The following CHRD variants were observed in gnomAD, a reference collection of about 807,000 sequenced individuals.
The protein encoded by CHRD is chordin.
In CHRD, 69 loss-of-function variants were observed where a neutral mutation model predicts 113.7. That is an observed-to-expected ratio of 0.61 (90% CI 0.50 to 0.74). The LOEUF is 0.74. CHRD is among the 30% of genes least tolerant of loss of function. The pLI, the probability that CHRD is intolerant of heterozygous loss-of-function variation, is 0.00. For missense variants in CHRD, 1,194 were observed against 1,295.8 expected (o/e 0.92, Z 1.21); for synonymous variants, 561 against 540.8 (o/e 1.04, Z -0.52).
rs753868589 is a variant in CHRD, at chr3:184,384,646, G to A, written c.1550G>A (p.Gly517Glu). 4 of 1,604,486 alleles carry A rather than the reference G, an allele frequency of 2.5e-6. No homozygotes were observed. The highest frequency in any genetic ancestry group is 3.4e-6 in the Non-Finnish European group (4 of 1,175,294). The change falls in exon 13 of 23, where the codon GGG becomes GAG. Residue 517 changes from glycine (G) to glutamate (E), a missense_variant. Transcript: ENST00000204604. The surrounding 1 kb of genome is among the most constrained non-coding windows in gnomAD (Gnocchi z 4.4). ...GACTTCCCAGACGGAGAGCTTCGGG[G>A]GCACGTGGCTGCCCTGCCCTACTGT...
At position 184,387,669 on chromosome 3, in the gene CHRD, C is replaced by G. The variant is rs1716545154; in HGVS notation, c.2451+192C>G. ...AACAGGGCTGACCTGGGTGTGGATT[C>G]TGGCTCTGCCAGCTAACTAGTGCCA... On this transcript the variant is annotated intron_variant, in intron 19 of 22. Transcript: ENST00000204604. This position sits in a 1 kb window ranked among gnomAD's most constrained non-coding sequence, Gnocchi z 6.1. 6.6e-6 allele frequency among the ~76,000 whole-genome samples: 1 copy of G among 152,328 alleles called. No individual in the cohort carries two copies. The highest frequency in any genetic ancestry group is 1.9e-4 in the East Asian group (1 of 5,188).
At chr3:184,385,574 G>A (rs1237026127) in intron 14 of CHRD, among the ~76,000 whole-genome samples, 2 of 149,290 alleles carry the variant, frequency 1.3e-5, no homozygotes, top group African/African-American at 4.9e-5. Context: ...GCTGAGGCAG[G>A]AGAATCGCTT....
Position 184,381,179 on chromosome 3 carries a change from G to C in CHRD, c.253-56G>C. The C allele has an allele frequency of 6.2e-7, 1 of 1,604,238 alleles. No individual in the cohort carries two copies. The highest frequency in any genetic ancestry group is 8.5e-7 in the Non-Finnish European group (1 of 1,173,930). On this transcript the variant is annotated intron_variant, in intron 2 of 22. Transcript: ENST00000204604. The surrounding 1 kb of genome is among the most constrained non-coding windows in gnomAD (Gnocchi z 4.7). ...CTGCGGGACATCCTTGCCTGGGGGGGTCTCATCAGTTGGCATCTTGCACTC... is the reference window on the plus strand; with the variant it reads ...CTGCGGGACATCCTTGCCTGGGGGGCTCTCATCAGTTGGCATCTTGCACTC...
intron 22 of CHRD, 42 bp downstream of exon 22, chr3:184,389,037 C>A: frequency 2.9e-6 from 4 of 1,377,380 alleles, no homozygotes; most frequent in Non-Finnish European, 3.1e-6. Context: ...GAGTGGAGGG[C>A]TCACCTGCCT....
Position 184,381,386 on chromosome 3 carries a change from G to A in CHRD, c.382+22G>A, listed in dbSNP as rs754295476. ...CAGGGTAAGTCTTGCTCCGCCCTGC[G>A]GGGAGGGAGGCAGGGCCACGATACT... is the stretch of plus-strand genomic sequence containing the variant. On this transcript the variant is annotated intron_variant, in intron 3 of 22. Transcript: ENST00000204604. This position sits in a 1 kb window ranked among gnomAD's most constrained non-coding sequence, Gnocchi z 4.7. 1 of 1,589,530 alleles carries A rather than the reference G, an allele frequency of 6.3e-7. No individual in the cohort carries two copies. The highest frequency in any genetic ancestry group is 1.8e-5 in the Admixed American group (1 of 56,182).
intron 6 of CHRD, 38 bp from the exon 7 acceptor site, chr3:184,382,351 G>A (rs1402160008): frequency 1.2e-6 from 2 of 1,613,836 alleles, no homozygotes; most frequent in Non-Finnish European, 1.7e-6. Flanking sequence ...AGCCTGCACA[G>A]TGTCTGAGCG....
At position 184,388,777 on chromosome 3, in the gene CHRD, C is replaced by T. The variant is rs953524722; in HGVS notation, c.2709+36C>T. The T allele has an allele frequency of 6.2e-6, 10 of 1,610,998 alleles. No individual in the cohort carries two copies. The highest frequency in any genetic ancestry group is 6.8e-6 in the Non-Finnish European group (8 of 1,178,092). ...AGCAGAGGCTTGTGTGAGGTGGGTA[C>T]TGGGAGCCTGGTCTGGAGTAGGGAG... On this transcript the variant is annotated intron_variant, in intron 21 of 22. Coordinates refer to ENST00000204604, the Ensembl canonical transcript of CHRD. The surrounding 1 kb of genome is among the most constrained non-coding windows in gnomAD (Gnocchi z 6.1).
At chr3:184,389,074 C>A in intron 22 of CHRD, 79 bp downstream of exon 22, 1 of 1,028,786 alleles carries the variant, frequency 9.7e-7, no homozygotes, top group Non-Finnish European at 1.5e-6. Flanking sequence ...GGGAAGGGAG[C>A]ACTCACTGTG....
chr3:184,385,225 T>G, exon 14 of CHRD: 1 of 1,613,382 alleles, frequency 6.2e-7, no homozygotes, highest in South Asian at 1.1e-5. Context: ...CTGAAGGGAT[T>G]CTATGGCTCA....
rs182175680 is a variant in CHRD at position 184,387,164 on chromosome 3, C to T, written c.2347+57C>T. ...GCCCCAGAGGAGCCATTAGGTTGAA[C>T]CAGGAGGGGGACAAGAAGGGGAGAG... On this transcript the variant is annotated intron_variant, in intron 18 of 22. Coordinates refer to ENST00000204604, the Ensembl canonical transcript of CHRD. This position sits in a 1 kb window ranked among gnomAD's most constrained non-coding sequence, Gnocchi z 6.1. The T allele has an allele frequency of 6.6e-7, 1 of 1,524,484 alleles. No individual in the cohort carries two copies. The highest frequency in any genetic ancestry group is 1.1e-5 in the South Asian group (1 of 89,152). 94.4% of individuals were successfully genotyped at this position (1,524,484 alleles called of 1,614,324 possible).
exon 16 of CHRD, chr3:184,386,677 C>G (rs1239943558): frequency 1.2e-6 from 2 of 1,612,486 alleles, no homozygotes; most frequent in Admixed American, 3.3e-5. Flanking sequence ...ACACATGCTT[C>G]TTCGAGGGGC....
At chr3:184,383,084 G>A in exon 10 of CHRD, 1 of 1,611,152 alleles carries the variant, frequency 6.2e-7, no homozygotes, top group South Asian at 1.1e-5. Flanking sequence ...TGCTGGGGGA[G>A]CTGCAGATGG....
Position 184,387,468 on chromosome 3 carries a change from C to T in CHRD, c.2442C>T (p.Cys814=), listed in dbSNP as rs770173106. The T allele has an allele frequency of 1.5e-5, 24 of 1,607,952 alleles. No individual in the cohort carries two copies. The highest frequency in any genetic ancestry group is 5.6e-5 in the South Asian group (5 of 89,996). Residue 814 remains cysteine, a synonymous_variant, in exon 19 of 23, where the codon TGC becomes TGT. Coordinates refer to ENST00000204604, the Ensembl canonical transcript of CHRD. This position sits in a 1 kb window ranked among gnomAD's most constrained non-coding sequence, Gnocchi z 6.1. ...TTGGCTTAATTAAGTGTGCTGTCTGCACCTGCAAGGTATGGCCACCCAATC... is the reference window on the plus strand; with the variant it reads ...TTGGCTTAATTAAGTGTGCTGTCTGTACCTGCAAGGTATGGCCACCCAATC...
exon 9 of CHRD, chr3:184,382,861 A>G (rs1715669139): frequency 1.9e-6 from 3 of 1,613,030 alleles, no homozygotes. Context: ...TGCAGGACTA[A>G]CCCAGGTTCC....
intron 6 of CHRD, 83 bp downstream of exon 6, chr3:184,382,103 AC>A: frequency 6.5e-7 from 1 of 1,549,766 alleles, no homozygotes; most frequent in South Asian, 1.1e-5. Context: ...CGTGGTCCTC[AC>A]CACAGCCCAG....
At position 184,380,996 on chromosome 3, in the gene CHRD, C is replaced by A. The variant is rs1715270141; in HGVS notation, c.252+201C>A. On this transcript the variant is annotated intron_variant, in intron 2 of 22. Coordinates refer to ENST00000204604, the Ensembl canonical transcript of CHRD. This position sits in a 1 kb window ranked among gnomAD's most constrained non-coding sequence, Gnocchi z 6.3. ...GCCCACTCTGTGTGAGGCTCTGTGC[C>A]AACTCCGTTTCGTTCCCTGCTCATC... The A allele has an allele frequency of 2.7e-6, 2 of 734,960 alleles. No homozygotes were observed. The highest frequency in any genetic ancestry group is 3.0e-5 in the South Asian group (2 of 67,426). The allele number at this position is 734,960 out of a possible 1,614,324, so 45.5% of individuals were successfully genotyped here. A position where few individuals can be genotyped will look rare whatever the true frequency, so the allele number is the denominator to read the frequency against.
intron 12 of CHRD, 133 bp downstream of exon 12, chr3:184,383,775 CTTT>C (rs58835715): frequency 8.8e-3 from 3,697 of 421,392 alleles, no homozygotes; most frequent in East Asian, 0.014. Context: ...ATTCATTTGA[CTTT>C]TTTTTTTTTT....
chr3:184,388,343 GCATC>G lies in CHRD; in HGVS notation c.2555-234_2555-231del, dbSNP rs1716681331. 7.0e-6 allele frequency among the ~76,000 whole-genome samples: 1 copy of G among 142,822 alleles called. No homozygotes were observed. Among genetic ancestry groups the G allele is most frequent in the African/African-American group, 2.7e-5 (1 of 37,470 alleles). 93.7% of individuals were successfully genotyped at this position (142,822 alleles called of 152,430 possible). On this transcript the variant is annotated intron_variant, in intron 20 of 22. Transcript: ENST00000204604. This position sits in a 1 kb window ranked among gnomAD's most constrained non-coding sequence, Gnocchi z 6.1. ...TCCACCCATTGATGCATCCATCCAT[GCATC>G]CATCCATCCCTCCATCCATCCACCC...
Position 184,381,217 on chromosome 3 carries a change from C to T in CHRD, c.253-18C>T, listed in dbSNP as rs1715329178. ...GCATCTTGCACTCACTTGGGTTTCC[C>T]GCCTTTTCCGGGAGCAGCCTCAGTG... is the stretch of plus-strand genomic sequence containing the variant. On this transcript the variant is annotated intron_variant, in intron 2 of 22. Transcript: ENST00000204604. The surrounding 1 kb of genome is among the most constrained non-coding windows in gnomAD (Gnocchi z 4.7). 6.2e-7 allele frequency: 1 copy of T among 1,612,914 alleles called. No homozygotes were observed. The highest frequency in any genetic ancestry group is 1.7e-5 in the Admixed American group (1 of 60,020).
Sources: allele counts gnomAD v4.1 joint callset (sites outside exome capture counted in the v4.1 genomes callset), GRCh38; gene constraint gnomAD v4.1.1; non-coding constraint Gnocchi (gnomAD v3.1); transcripts MANE v1.5; gene names NCBI Gene and HGNC (gene_info 2026-07-23, HGNC 2026-07-21).